ERBB4: variants seen among roughly 807,000 people sequenced by gnomAD.
The protein encoded by ERBB4 is receptor tyrosine-protein kinase erbB-4.
ERBB4 carries 42 observed loss-of-function variants against 158.0 expected under a neutral mutation model. That is an observed-to-expected ratio of 0.27 (90% CI 0.21 to 0.34). The LOEUF (loss-of-function observed/expected upper bound fraction) is 0.34. Ranked by LOEUF, ERBB4 falls within the 10% of genes least tolerant of loss-of-function variation. The probability of loss-of-function intolerance (pLI) is 1.00; values close to 1 mark genes in which losing one functional copy is unlikely to be tolerated. For synonymous variants in ERBB4, 583 were observed against 558.7 expected (o/e 1.04, Z -0.61); for missense variants, 1,333 against 1,624.1 (o/e 0.82, Z 3.08).
At chr2:212,431,891 A>C (rs901017850) in intron 1 of ERBB4, among the ~76,000 whole-genome samples, 9 of 152,124 alleles carry the variant, frequency 5.9e-5, no homozygotes, top group Non-Finnish European at 1.2e-4. Context: ...TAATCTCCCA[A>C]CATTCATTGT....
intron 27 of ERBB4, among the ~76,000 whole-genome samples, chr2:211,385,255 A>G (rs2062661047): frequency 6.6e-6 from 1 of 152,148 alleles, no homozygotes; most frequent in Admixed American, 6.5e-5. Context: ...CCACTATCAT[A>G]TATAGGCCTT....
chr2:212,098,975 T>A (rs760913357), intron 2 of ERBB4, among the ~76,000 whole-genome samples: 2 of 151,828 alleles, frequency 1.3e-5, no homozygotes, highest in Non-Finnish European at 2.9e-5. Context: ...AGCACTGGGC[T>A]ATGCATATTA....
chr2:212,202,440 C>T (rs2082614933), intron 1 of ERBB4, among the ~76,000 whole-genome samples: 1 of 152,110 alleles, frequency 6.6e-6, no homozygotes, highest in Admixed American at 6.6e-5. Flanking sequence ...CCGTGACCTC[C>T]TGGGCTCAAG....
At chr2:212,393,395 T>C (rs917153100) in intron 1 of ERBB4, among the ~76,000 whole-genome samples, 8 of 152,106 alleles carry the variant, frequency 5.3e-5, no homozygotes, top group Non-Finnish European at 1.0e-4. Flanking sequence ...ACAGGGAGCA[T>C]TCTTTGCTGG....
rs188979947 is a variant in ERBB4, at chr2:211,802,382, G to T, written c.422-14223C>A. On this transcript the variant is annotated intron_variant, in intron 3 of 27. Coordinates refer to ENST00000342788, the MANE Select transcript of ERBB4 (RefSeq NM_005235.3). ...ATACATATCTTTCCTTACAATTAAT[G>T]ACATCACAAGAACATTATTTACTAA... is the stretch of plus-strand genomic sequence containing the variant. 4.7e-4 allele frequency among the ~76,000 whole-genome samples: 71 copies of T among 152,116 alleles called. 1 individual carries two copies. Among genetic ancestry groups the T allele is most frequent in the African/African-American group, 1.5e-3 (64 of 41,504 alleles).
At chr2:212,376,638 T>A (rs1206229634) in intron 1 of ERBB4, among the ~76,000 whole-genome samples, 1 of 152,034 alleles carries the variant, frequency 6.6e-6, no homozygotes, top group African/African-American at 2.4e-5. Flanking sequence ...TCTTTTTGTT[T>A]ACTAATTTAA....
At chr2:211,693,810 G>A (rs1338688890) in intron 12 of ERBB4, among the ~76,000 whole-genome samples, 2 of 152,132 alleles carry the variant, frequency 1.3e-5, no homozygotes, top group Non-Finnish European at 2.9e-5. Flanking sequence ...CAAAATCCAG[G>A]TGTTCGCAGG....
chr2:212,037,020 T>G (rs995391134), intron 2 of ERBB4, among the ~76,000 whole-genome samples: 22 of 152,186 alleles, frequency 1.4e-4, no homozygotes, highest in Admixed American at 1.4e-3. Context: ...GGCGCTACAG[T>G]AGAGAAAATT....
intron 2 of ERBB4, among the ~76,000 whole-genome samples, chr2:211,949,825 A>C (rs992316089): frequency 6.6e-6 from 1 of 152,160 alleles, no homozygotes; most frequent in Non-Finnish European, 1.5e-5. Flanking sequence ...TAGCCCCTAC[A>C]CTTTTACCTG....
intron 5 of ERBB4, among the ~76,000 whole-genome samples, chr2:211,731,249 T>C (rs547285762): frequency 1.3e-5 from 2 of 152,296 alleles, no homozygotes; most frequent in African/African-American, 4.8e-5. Flanking sequence ...ATATTTATTT[T>C]ATTTTTTAAA....
At chr2:212,515,365 C>A (rs140670307) in intron 1 of ERBB4, among the ~76,000 whole-genome samples, 1 of 151,898 alleles carries the variant, frequency 6.6e-6, no homozygotes, top group Non-Finnish European at 1.5e-5. Context: ...TTCAAGTTTA[C>A]AAATTTGAGG....
chr2:212,054,496 G>A (rs1040795454), intron 2 of ERBB4, among the ~76,000 whole-genome samples: 1 of 152,294 alleles, frequency 6.6e-6, no homozygotes, highest in East Asian at 1.9e-4. Flanking sequence ...AACCTGGGGA[G>A]TAGAAAAGAG....
At chr2:211,600,773 GT>G in intron 19 of ERBB4, among the ~76,000 whole-genome samples, 3 of 151,728 alleles carry the variant, frequency 2.0e-5, no homozygotes, top group South Asian at 2.1e-4. Flanking sequence ...TTTCTTTTTG[GT>G]TTTTTTTGAA....
chr2:212,005,375 G>A (rs2076236022), intron 2 of ERBB4, among the ~76,000 whole-genome samples: 1 of 151,986 alleles, frequency 6.6e-6, no homozygotes, highest in Admixed American at 6.6e-5. Context: ...GACACCTTTT[G>A]GGGACAGCTA....
intron 1 of ERBB4, among the ~76,000 whole-genome samples, chr2:212,507,931 G>T (rs1251670306): frequency 1.3e-5 from 2 of 152,128 alleles, no homozygotes; most frequent in Non-Finnish European, 2.9e-5. Flanking sequence ...ACATGCTGGA[G>T]AGACATTTTT....
At chr2:212,398,896 ACTT>A (rs2091107373) in intron 1 of ERBB4, among the ~76,000 whole-genome samples, 1 of 150,708 alleles carries the variant, frequency 6.6e-6, no homozygotes, top group South Asian at 2.1e-4. Flanking sequence ...TCTGAAAACA[ACTT>A]CTATTTCAAG....
At chr2:211,962,706 T>C (rs1020818193) in intron 2 of ERBB4, among the ~76,000 whole-genome samples, 1 of 152,156 alleles carries the variant, frequency 6.6e-6, no homozygotes, top group African/African-American at 2.4e-5. Context: ...ACAAATTAGA[T>C]GGCTCTAAGA....
At chr2:211,495,720 T>C (rs1009529235) in intron 20 of ERBB4, among the ~76,000 whole-genome samples, 9 of 152,102 alleles carry the variant, frequency 5.9e-5, no homozygotes, top group African/African-American at 1.9e-4. Context: ...ACATTTAAAA[T>C]CATTTTCATT....
chr2:212,396,136 C>T (rs74790597), intron 1 of ERBB4, among the ~76,000 whole-genome samples: 3,776 of 152,162 alleles, frequency 0.025, 174 homozygotes, highest in African/African-American at 0.085. Context: ...AACTACTTGT[C>T]TGGAAAACAT....
Sources: gnomAD v4.1 joint callset for allele counts (sites outside exome capture counted in the v4.1 genomes callset) on GRCh38, gnomAD v4.1.1 for gene constraint, MANE v1.5 for transcripts, NCBI Gene and HGNC (gene_info 2026-07-23, HGNC 2026-07-21) for gene names.